Variants in AUTS2 observed in about 807,000 individuals in gnomAD.
The protein encoded by AUTS2 is activator of transcription and developmental regulator AUTS2.
A neutral mutation model predicts 112.4 loss-of-function variants in AUTS2; 17 were observed. The ratio of observed to expected loss-of-function variants is 0.15; its 90% confidence interval spans 0.10 to 0.23. The LOEUF is 0.23. AUTS2 is among the 10% of genes least tolerant of loss of function. AUTS2 has a pLI of 1.00. For synonymous variants in AUTS2, 751 were observed against 702.7 expected (o/e 1.07, Z -1.09); for missense variants, 1,510 against 1,701.6 (o/e 0.89, Z 1.98).
rs762636923 is a variant in AUTS2 at position 70,303,432 on chromosome 7, G to GCACA, written c.661-132319_661-132318insACAC. On this transcript the variant is annotated intron_variant, in intron 4 of 18. Coordinates refer to ENST00000342771, the MANE Select transcript of AUTS2 (RefSeq NM_015570.4). Reference sequence around the variant, plus strand: ...TGCACGCACACACACACGCGCGCGCGCGCACATACACACACACACACACAC... The same window carrying GCACA: ...TGCACGCACACACACACGCGCGCGCGCACACGCACATACACACACACACACACAC... Among the ~76,000 whole-genome samples the GCACA allele has an allele frequency of 3.7e-3, 385 of 103,138 alleles. 3 individuals carry two copies. The highest frequency in any genetic ancestry group is 0.014 in the East Asian group (42 of 3,032). The allele number at this position is 103,138 out of a possible 152,430, so 67.7% of individuals were successfully genotyped here.
intron 5 of AUTS2, among the ~76,000 whole-genome samples, chr7:70,617,912 A>G (rs2129535973): frequency 1.3e-5 from 2 of 152,336 alleles, no homozygotes; most frequent in South Asian, 4.1e-4. Flanking sequence ...ATTTTCCTCA[A>G]GATCGCTACT....
At chr7:70,582,865 T>C (rs1030777539) in intron 5 of AUTS2, among the ~76,000 whole-genome samples, 4 of 152,196 alleles carry the variant, frequency 2.6e-5, no homozygotes, top group Non-Finnish European at 5.9e-5. Flanking sequence ...TAACCTAGAT[T>C]ATGTCCCTAT....
chr7:70,502,168 C>T (rs1393768070), intron 5 of AUTS2, among the ~76,000 whole-genome samples: 1 of 152,182 alleles, frequency 6.6e-6, no homozygotes, highest in African/African-American at 2.4e-5. Flanking sequence ...ACAGGTTTGA[C>T]AGTTCCAGTT....
At chr7:70,769,155 G>T (rs529707258) in intron 10 of AUTS2, among the ~76,000 whole-genome samples, 7 of 152,046 alleles carry the variant, frequency 4.6e-5, no homozygotes, top group African/African-American at 1.7e-4. Flanking sequence ...TAGAAATAAC[G>T]TAAGATGAAA....
rs5884765 is a variant in AUTS2, at chr7:69,728,680, C to CTTTTTT, written c.309+128731_309+128736dup. Among the ~76,000 whole-genome samples, 19 of 128,680 alleles carry CTTTTTT rather than the reference C, an allele frequency of 1.5e-4. 2 individuals are homozygous for CTTTTTT. The highest frequency in any genetic ancestry group is 1.4e-4 in the African/African-American group (5 of 34,524). 84.4% of individuals were successfully genotyped at this position (128,680 alleles called of 152,430 possible). Reference sequence around the variant, plus strand: ...AGGCTGGTAGGTTGCTTGCTTGTGGCTTTTTTTTTTTTTTTTTTAATTTAA... The same window carrying CTTTTTT: ...AGGCTGGTAGGTTGCTTGCTTGTGGCTTTTTTTTTTTTTTTTTTTTTTTTAATTTAA... On this transcript the variant is annotated intron_variant, in intron 1 of 18. Transcript: ENST00000342771.
At chr7:70,337,425 G>C (rs1191770053) in intron 4 of AUTS2, among the ~76,000 whole-genome samples, 1 of 152,172 alleles carries the variant, frequency 6.6e-6, no homozygotes, top group Non-Finnish European at 1.5e-5. Context: ...TGGACAAAAT[G>C]TTACAAGTGA....
chr7:70,490,447 A>G (rs1329129077), intron 5 of AUTS2, among the ~76,000 whole-genome samples: 1 of 151,666 alleles, frequency 6.6e-6, no homozygotes, highest in Non-Finnish European at 1.5e-5. Context: ...GGGTGGAGAG[A>G]AGGAGTTGCC....
intron 1 of AUTS2, among the ~76,000 whole-genome samples, chr7:69,760,691 C>T (rs1382243906): frequency 6.6e-6 from 1 of 152,048 alleles, no homozygotes; most frequent in Non-Finnish European, 1.5e-5. Flanking sequence ...CGTGGTGGCA[C>T]AAGTCTGTAA....
At chr7:69,901,747 T>C (rs1239617184) in intron 2 of AUTS2, among the ~76,000 whole-genome samples, 2 of 152,244 alleles carry the variant, frequency 1.3e-5, no homozygotes. Flanking sequence ...TCAAGTGTTA[T>C]ATTTCTAGTA....
chr7:70,442,107 T>A (rs1241059649), intron 5 of AUTS2, among the ~76,000 whole-genome samples: 1 of 152,184 alleles, frequency 6.6e-6, no homozygotes, highest in Non-Finnish European at 1.5e-5. Flanking sequence ...CTTTCCAGAT[T>A]TCATAGCAGC....
At chr7:70,144,611 T>A (rs967496717) in intron 4 of AUTS2, among the ~76,000 whole-genome samples, 4 of 152,128 alleles carry the variant, frequency 2.6e-5, no homozygotes, top group African/African-American at 9.7e-5. Context: ...CCTATTATTT[T>A]GGTTTTACAT....
At chr7:70,572,412 C>G (rs1180085960) in intron 5 of AUTS2, among the ~76,000 whole-genome samples, 2 of 124,772 alleles carry the variant, frequency 1.6e-5, no homozygotes, top group Non-Finnish European at 3.1e-5. Flanking sequence ...ATTTCATGTG[C>G]CTTTGAAGGG....
chr7:69,934,030 A>T (rs933747885), intron 2 of AUTS2, among the ~76,000 whole-genome samples: 23 of 152,142 alleles, frequency 1.5e-4, no homozygotes, highest in African/African-American at 5.1e-4. Context: ...TAGTTTAGAG[A>T]TTTATTATTT....
intron 5 of AUTS2, among the ~76,000 whole-genome samples, chr7:70,531,500 G>C (rs906719215): frequency 3.3e-5 from 5 of 152,266 alleles, no homozygotes; most frequent in African/African-American, 9.6e-5. Context: ...TCTGCTTCTG[G>C]TGAGGCCTCA....
At chr7:70,345,726 G>C (rs13226923) in intron 4 of AUTS2, among the ~76,000 whole-genome samples, 44,183 of 151,984 alleles carry the variant, frequency 0.29, 6,740 homozygotes, top group African/African-American at 0.38. Context: ...TGTATTACTC[G>C]CCAAGACTCT....
At chr7:70,606,345 G>T (rs38302) in intron 5 of AUTS2, among the ~76,000 whole-genome samples, 1 of 151,692 alleles carries the variant, frequency 6.6e-6, no homozygotes, top group African/African-American at 2.4e-5. Context: ...GTTAATATTT[G>T]TATTTATATT....
intron 4 of AUTS2, among the ~76,000 whole-genome samples, chr7:70,210,485 C>G (rs1473718361): frequency 6.6e-6 from 1 of 152,198 alleles, no homozygotes; most frequent in Non-Finnish European, 1.5e-5. Flanking sequence ...GAAATTATGA[C>G]TACCCAGTGG....
chr7:70,489,795 G>T (rs1034924267), intron 5 of AUTS2, among the ~76,000 whole-genome samples: 2 of 152,186 alleles, frequency 1.3e-5, no homozygotes, highest in African/African-American at 2.4e-5. Flanking sequence ...AAGGTATGGT[G>T]TGAGGGGAGT....
chr7:70,210,301 C>T (rs1032112235), intron 4 of AUTS2, among the ~76,000 whole-genome samples: 3 of 152,134 alleles, frequency 2.0e-5, no homozygotes, highest in East Asian at 1.9e-4. Flanking sequence ...TTCGTATTTT[C>T]GTAATTAGAT....
Sources: gnomAD v4.1 joint callset for allele counts (sites outside exome capture counted in the v4.1 genomes callset) on GRCh38, gnomAD v4.1.1 for gene constraint, MANE v1.5 for transcripts, NCBI Gene and HGNC (gene_info 2026-07-23, HGNC 2026-07-21) for gene names.